Variants in RBFOX1 observed in about 807,000 individuals in gnomAD.
The protein encoded by RBFOX1 is RNA binding protein fox-1 homolog 1.
In RBFOX1, 8 loss-of-function variants were observed where a neutral mutation model predicts 57.7. The ratio of observed to expected loss-of-function variants is 0.14; its 90% confidence interval spans 0.08 to 0.25. RBFOX1 has a LOEUF of 0.25. Ranked by LOEUF, RBFOX1 falls within the 10% of genes least tolerant of loss-of-function variation. The pLI is 1.00. For missense variants in RBFOX1, 611 were observed against 548.5 expected (o/e 1.11, Z -1.14); for synonymous variants, 326 against 222.4 (o/e 1.47, Z -4.15).
intron 2 of RBFOX1, among the ~76,000 whole-genome samples, chr16:5,588,192 T>C (rs761005676): frequency 6.6e-6 from 1 of 152,038 alleles, no homozygotes; most frequent in Non-Finnish European, 1.5e-5. Flanking sequence ...CGGTGATTGC[T>C]TGGGGCTGTG....
chr16:6,527,187 T>C (rs1436707489), intron 2 of RBFOX1, among the ~76,000 whole-genome samples: 1 of 152,180 alleles, frequency 6.6e-6, no homozygotes, highest in Admixed American at 6.5e-5. Context: ...AAAAAGTAAG[T>C]CTCCTATCTA....
At chr16:7,130,720 C>G (rs752030800) in intron 4 of RBFOX1, among the ~76,000 whole-genome samples, 1 of 152,180 alleles carries the variant, frequency 6.6e-6, no homozygotes, top group Non-Finnish European at 1.5e-5. Context: ...GAAGTGTTCT[C>G]GAAGCCCATT....
chr16:6,098,049 A>AT (rs2096265667), intron 1 of RBFOX1, among the ~76,000 whole-genome samples: 1 of 152,132 alleles, frequency 6.6e-6, no homozygotes, highest in Non-Finnish European at 1.5e-5. Flanking sequence ...GCAAGGGGTT[A>AT]TGCTATTTTT....
intron 14 of RBFOX1, among the ~76,000 whole-genome samples, chr16:7,696,560 A>G (rs535446923): frequency 6.8e-6 from 1 of 147,136 alleles, no homozygotes; most frequent in South Asian, 2.1e-4. Context: ...TAGTCGATTA[A>G]TATCTCTAGT....
chr16:6,142,794 G>A (rs1433952873), intron 1 of RBFOX1, among the ~76,000 whole-genome samples: 1 of 152,134 alleles, frequency 6.6e-6, no homozygotes. Context: ...ACTGTTAGTA[G>A]CTGAGATCTC....
chr16:7,370,077 A>G (rs537865091), intron 4 of RBFOX1, among the ~76,000 whole-genome samples: 1 of 152,218 alleles, frequency 6.6e-6, no homozygotes, highest in Non-Finnish European at 1.5e-5. Flanking sequence ...CACTATGACT[A>G]TGGCCAGAAA....
Position 7,000,414 on chromosome 16 carries a change from C to A in RBFOX1, c.-15-51643C>A, listed in dbSNP as rs538308528. Among the ~76,000 whole-genome samples, 7 of 152,110 alleles carry A rather than the reference C, an allele frequency of 4.6e-5. No homozygotes were observed. The East Asian group carries it at 7.8e-4, about 17-fold the overall frequency. The stretch of plus-strand genomic sequence containing the variant: ...GTGTTTGCAATCTATTTGTTGAGGT[C>A]ACCGGGTCATTTTTATGCAACAGTC... On this transcript the variant is annotated intron_variant, in intron 3 of 15. Coordinates refer to ENST00000550418, the MANE Select transcript of RBFOX1 (RefSeq NM_018723.4).
chr16:7,206,625 A>G (rs1055558786), intron 4 of RBFOX1, among the ~76,000 whole-genome samples: 18 of 152,208 alleles, frequency 1.2e-4, no homozygotes, highest in African/African-American at 4.3e-4. Context: ...TTGAAGTGCT[A>G]AGAATGCTGT....
At chr16:6,681,118 C>T (rs1011122709) in intron 3 of RBFOX1, among the ~76,000 whole-genome samples, 7 of 152,030 alleles carry the variant, frequency 4.6e-5, no homozygotes, top group African/African-American at 1.7e-4. Context: ...CGAGACCATC[C>T]TGGGAAACAT....
chr16:6,852,604 T>C (rs1015277172), intron 3 of RBFOX1, among the ~76,000 whole-genome samples: 5 of 151,900 alleles, frequency 3.3e-5, no homozygotes, highest in Non-Finnish European at 1.5e-5. Context: ...GCTGTCCAGA[T>C]GAGATGCATG....
At chr16:7,311,602 G>A (rs182884199) in intron 4 of RBFOX1, among the ~76,000 whole-genome samples, 2 of 147,766 alleles carry the variant, frequency 1.4e-5, no homozygotes, top group African/African-American at 5.0e-5. Context: ...GCTTCCTCTT[G>A]CTCTGCCTGA....
rs1421505093 is a variant in RBFOX1, at chr16:6,411,873, C to A, written c.-64+94816C>A. ...CCTTGGCCAGGTGTGGTGGCTCACG[C>A]CTGTAATCCCAGCACTTTGGGCGGC... On this transcript the variant is annotated intron_variant, in intron 2 of 15. Coordinates refer to ENST00000550418, the MANE Select transcript of RBFOX1 (RefSeq NM_018723.4). 2.0e-5 allele frequency among the ~76,000 whole-genome samples: 3 copies of A among 152,090 alleles called. No homozygotes were observed. In the South Asian group the frequency reaches 6.2e-4, roughly 32 times the overall value.
intron 1 of RBFOX1, among the ~76,000 whole-genome samples, chr16:6,310,349 A>G (rs1302145489): frequency 2.6e-5 from 4 of 152,220 alleles, no homozygotes; most frequent in Non-Finnish European, 5.9e-5. Flanking sequence ...ATACTAGGCT[A>G]TGCTGAAAGT....
chr16:6,211,710 A>G (rs2097299184), intron 1 of RBFOX1, among the ~76,000 whole-genome samples: 1 of 152,216 alleles, frequency 6.6e-6, no homozygotes, highest in Admixed American at 6.5e-5. Flanking sequence ...TAGCTATTAA[A>G]AATGGAAAGT....
chr16:7,669,253 A>G (rs2070547221), intron 13 of RBFOX1, among the ~76,000 whole-genome samples: 1 of 151,872 alleles, frequency 6.6e-6, no homozygotes, highest in Non-Finnish European at 1.5e-5. Flanking sequence ...GGAGTGGAAA[A>G]CAAGCATTGC....
chr16:7,436,495 G>C (rs2149739856), intron 4 of RBFOX1, among the ~76,000 whole-genome samples: 1 of 152,340 alleles, frequency 6.6e-6, no homozygotes, highest in African/African-American at 2.4e-5. Flanking sequence ...TCACAACCCA[G>C]TGCAACAGCA....
At chr16:5,965,864 C>A (rs2152293231) in intron 4 of RBFOX1, among the ~76,000 whole-genome samples, 1 of 152,180 alleles carries the variant, frequency 6.6e-6, no homozygotes, top group Non-Finnish European at 1.5e-5. Context: ...CTACGTCAAT[C>A]CTCCTTTCCT....
At chr16:7,102,757 C>G (rs1032788395) in intron 4 of RBFOX1, among the ~76,000 whole-genome samples, 1 of 152,280 alleles carries the variant, frequency 6.6e-6, no homozygotes, top group African/African-American at 2.4e-5. Flanking sequence ...TAACCTTTTA[C>G]TAAGAATGAA....
At chr16:6,076,021 G>T (rs369729019) in intron 1 of RBFOX1, among the ~76,000 whole-genome samples, 1 of 152,118 alleles carries the variant, frequency 6.6e-6, no homozygotes, top group Admixed American at 6.5e-5. Context: ...GCTCTTGGCC[G>T]GGCGTGGTGG....
Sources: allele counts gnomAD v4.1 joint callset (sites outside exome capture counted in the v4.1 genomes callset), GRCh38; gene constraint gnomAD v4.1.1; transcripts MANE v1.5; gene names NCBI Gene and HGNC (gene_info 2026-07-23, HGNC 2026-07-21).